Variants in CFAP54 observed in about 807,000 individuals in gnomAD.
The protein encoded by CFAP54 is cilia and flagella associated protein 54.
In CFAP54, 290 loss-of-function variants were observed where a neutral mutation model predicts 370.4. The observed-to-expected ratio is 0.78, with a 90% CI of 0.71 to 0.86. The LOEUF is 0.86. Ranked by LOEUF, CFAP54 falls within the 40% of genes least tolerant of loss-of-function variation. The pLI, the probability that CFAP54 is intolerant of heterozygous loss-of-function variation, is 0.00. For missense variants in CFAP54, 3,399 were observed against 3,528.7 expected (o/e 0.96, Z 0.93); for synonymous variants, 1,206 against 1,236.5 (o/e 0.98, Z 0.52).
chr12:96,660,244 G>C (rs551287892), intron 38 of CFAP54, among the ~76,000 whole-genome samples: 3 of 152,190 alleles, frequency 2.0e-5, no homozygotes, highest in Admixed American at 1.3e-4. Flanking sequence ...AAGAAGGCCT[G>C]TATGGCTGAA....
intron 66 of CFAP54, among the ~76,000 whole-genome samples, chr12:96,859,612 G>A (rs1456301615): frequency 6.6e-6 from 1 of 151,876 alleles, no homozygotes; most frequent in Non-Finnish European, 1.5e-5. Flanking sequence ...TCACTGTGTT[G>A]GCCAGGCTGG....
At chr12:96,787,279 A>T (rs1417464619) in intron 62 of CFAP54, among the ~76,000 whole-genome samples, 3 of 152,202 alleles carry the variant, frequency 2.0e-5, no homozygotes, top group Admixed American at 6.5e-5. Context: ...TTTGGTTTTA[A>T]ATGTGTGATA....
At chr12:96,625,913 A>G (rs895104570) in intron 29 of CFAP54, 106 bp downstream of exon 29, 5 of 843,340 alleles carry the variant, frequency 5.9e-6, no homozygotes, top group East Asian at 5.6e-5. Context: ...CACCTGTTTC[A>G]GGCAGAATAT....
intron 3 of CFAP54, among the ~76,000 whole-genome samples, chr12:96,505,654 C>T (rs1040262386): frequency 1.3e-5 from 2 of 151,946 alleles, no homozygotes. Context: ...AGGTGCGCAC[C>T]ATCATGCCTG....
chr12:96,597,807 G>A (rs1053384926), intron 25 of CFAP54, among the ~76,000 whole-genome samples: 1 of 151,764 alleles, frequency 6.6e-6, no homozygotes, highest in Non-Finnish European at 1.5e-5. Flanking sequence ...GGTACATTAT[G>A]TTTTTATACA....
At chr12:96,519,857 G>T (rs983749396) in intron 6 of CFAP54, among the ~76,000 whole-genome samples, 1 of 152,108 alleles carries the variant, frequency 6.6e-6, no homozygotes, top group African/African-American at 2.4e-5. Context: ...ACCATGCTGT[G>T]CAATAGATCT....
intron 17 of CFAP54, chr12:96,555,116 T>C (rs1955738586): frequency 1.1e-5 from 2 of 182,536 alleles, no homozygotes; most frequent in African/African-American, 4.7e-5. Context: ...AGGCATCGTA[T>C]TAGGCTAGGT....
At chr12:96,866,245 A>G (rs1213507209) in intron 67 of CFAP54, among the ~76,000 whole-genome samples, 1 of 152,086 alleles carries the variant, frequency 6.6e-6, no homozygotes, top group Non-Finnish European at 1.5e-5. Context: ...ATAGCAACAG[A>G]TATTTTTTGT....
At chr12:96,586,659 G>A (rs1956078351) in intron 22 of CFAP54, among the ~76,000 whole-genome samples, 1 of 152,150 alleles carries the variant, frequency 6.6e-6, no homozygotes, top group South Asian at 2.1e-4. Context: ...AGGGACCCAT[G>A]GAGAGTAAAA....
chr12:96,498,620 T>A (rs1954985724), intron 1 of CFAP54, among the ~76,000 whole-genome samples: 1 of 152,164 alleles, frequency 6.6e-6, no homozygotes, highest in East Asian at 1.9e-4. Flanking sequence ...ACCACTGCAC[T>A]CAAGCCTGGT....
rs1957048185 is a variant in CFAP54, at chr12:96,664,720, T to TCCC, written c.5563+788_5563+789insCCC. 2.8e-4 allele frequency among the ~76,000 whole-genome samples: 2 copies of TCCC among 7,092 alleles called. 1 individual carries two copies. The highest frequency in any genetic ancestry group is 6.0e-4 in the Non-Finnish European group (2 of 3,306). 4.7% of individuals were successfully genotyped at this position (7,092 alleles called of 152,430 possible). ...ATCTATATATATATATATATCTATATATATCTATATATATATATCTATATA... is the reference window on the plus strand; with the variant it reads ...ATCTATATATATATATATATCTATATCCCATATCTATATATATATATCTATATA... On this transcript the variant is annotated intron_variant, in intron 39 of 67. Transcript: ENST00000524981.
chr12:96,655,983 ATATAAT>A (rs1956918541), intron 36 of CFAP54, among the ~76,000 whole-genome samples: 3 of 152,138 alleles, frequency 2.0e-5, no homozygotes, highest in Non-Finnish European at 4.4e-5. Context: ...AATTTTGGGG[ATATAAT>A]TCAAAATAAT....
chr12:96,789,413 C>G (rs774724008), intron 62 of CFAP54, among the ~76,000 whole-genome samples: 1 of 152,208 alleles, frequency 6.6e-6, no homozygotes, highest in Non-Finnish European at 1.5e-5. Flanking sequence ...AGATTCACCC[C>G]TCCTGGGAAC....
chr12:96,772,055 A>G (rs1435210835), intron 60 of CFAP54, among the ~76,000 whole-genome samples: 1 of 152,240 alleles, frequency 6.6e-6, no homozygotes, highest in Non-Finnish European at 1.5e-5. Context: ...ACATTGGTCT[A>G]ATATGTATGG....
At chr12:96,503,033 T>C (rs924625803) in intron 2 of CFAP54, among the ~76,000 whole-genome samples, 1 of 142,328 alleles carries the variant, frequency 7.0e-6, no homozygotes, top group African/African-American at 2.6e-5. Flanking sequence ...CTCCCTTCCT[T>C]TCCTTCCTCT....
At chr12:96,642,314 T>C (rs983544111) in intron 32 of CFAP54, among the ~76,000 whole-genome samples, 2 of 152,166 alleles carry the variant, frequency 1.3e-5, no homozygotes, top group Non-Finnish European at 2.9e-5. Flanking sequence ...TTTCTTTTAG[T>C]GAGAAGTGGT....
chr12:96,725,295 T>G (rs1415336437), intron 50 of CFAP54, among the ~76,000 whole-genome samples: 6 of 151,736 alleles, frequency 4.0e-5, no homozygotes, highest in Admixed American at 3.9e-4. Flanking sequence ...ATATTGATTC[T>G]TCCTACCCAT....
intron 44 of CFAP54, 122 bp from the exon 45 acceptor site, chr12:96,693,600 C>G (rs1592711798): frequency 1.7e-6 from 1 of 595,530 alleles, no homozygotes; most frequent in East Asian, 3.0e-5. Flanking sequence ...GTATAGTTTC[C>G]TAGCATGGAA....
intron 56 of CFAP54, among the ~76,000 whole-genome samples, chr12:96,754,778 C>A (rs1328553852): frequency 6.7e-6 from 1 of 149,354 alleles, no homozygotes; most frequent in East Asian, 2.0e-4. Flanking sequence ...TAGTCTCGCT[C>A]TGTTGCCCAG....
Sources: allele counts gnomAD v4.1 joint callset (sites outside exome capture counted in the v4.1 genomes callset), GRCh38; gene constraint gnomAD v4.1.1; transcripts MANE v1.5; gene names NCBI Gene and HGNC (gene_info 2026-07-23, HGNC 2026-07-21).